The following CBLN2 variants were observed in gnomAD, a reference collection of about 807,000 sequenced individuals.
The protein encoded by CBLN2 is cerebellin-2.
A neutral mutation model predicts 15.0 loss-of-function variants in CBLN2; 7 were observed. That is an observed-to-expected ratio of 0.47 (90% CI 0.27 to 0.88). The LOEUF is 0.88. Among genes scored for constraint, CBLN2 ranks in the 40% least tolerant of loss-of-function variants. CBLN2 has a pLI of 0.14. For missense variants in CBLN2, 242 were observed against 304.5 expected, an observed-to-expected ratio of 0.79 and a Z score of 1.53; for synonymous variants, 149 against 135.2, an observed-to-expected ratio of 1.10 and a Z score of -0.71.
chr18:72,543,140 G>A lies in CBLN2; in HGVS notation c.-167+346C>T, dbSNP rs1416667900. 2 of 216,090 alleles carry A rather than the reference G, an allele frequency of 9.3e-6. No individual in the cohort carries two copies. The highest frequency in any genetic ancestry group is 1.8e-5 in the Non-Finnish European group (2 of 109,522). The allele number at this position is 216,090 out of a possible 1,614,324, so 13.4% of individuals were successfully genotyped here. On this transcript the variant is annotated intron_variant, in intron 2 of 4. Transcript: ENST00000269503. The surrounding 1 kb of genome is among the most constrained non-coding windows in gnomAD (Gnocchi z 6.8). ...GGGATTCTCTCTTTCTCAGCGGGGC[G>A]GCAGCCCCTGCAGGTTTCTGCGAAC...
intron 1 of CBLN2, among the ~76,000 whole-genome samples, chr18:72,587,871 G>A (rs188884435): frequency 1.3e-3 from 197 of 152,160 alleles, no homozygotes; most frequent in African/African-American, 4.5e-3. Flanking sequence ...CAATGAAATA[G>A]ATAATCTTTT....
At chr18:72,595,871 G>C (rs1021023716) in intron 1 of CBLN2, among the ~76,000 whole-genome samples, 1 of 151,890 alleles carries the variant, frequency 6.6e-6, no homozygotes, top group African/African-American at 2.4e-5. Flanking sequence ...AGTTGGCATG[G>C]AATGTCTTTT....
chr18:72,604,559 A>C (rs1012732951), intron 1 of CBLN2, among the ~76,000 whole-genome samples: 5 of 152,216 alleles, frequency 3.3e-5, no homozygotes, highest in Admixed American at 1.3e-4. Flanking sequence ...GTTGAAATTT[A>C]ATACCCAATG....
chr18:72,590,886 C>T (rs1011996730), intron 1 of CBLN2, among the ~76,000 whole-genome samples: 2 of 152,144 alleles, frequency 1.3e-5, no homozygotes, highest in African/African-American at 4.8e-5. Context: ...AAACAATATT[C>T]TAATAGATTA....
chr18:72,601,068 C>G (rs77032997), intron 1 of CBLN2, among the ~76,000 whole-genome samples: 4 of 152,280 alleles, frequency 2.6e-5, no homozygotes, highest in African/African-American at 9.6e-5. Flanking sequence ...TATCATTTAA[C>G]TATGCCTATA....
intron 1 of CBLN2, among the ~76,000 whole-genome samples, chr18:72,563,813 C>T (rs184041298): frequency 6.6e-5 from 10 of 152,300 alleles, no homozygotes; most frequent in African/African-American, 9.6e-5. Context: ...CAGGCTTGCA[C>T]TCTCTCAACA....
Position 72,538,751 on chromosome 18 carries a change from G to T in CBLN2, c.379C>A (p.His127Asn). The T allele has an allele frequency of 6.2e-7, 1 of 1,613,668 alleles. No homozygotes were observed. The highest frequency in any genetic ancestry group is 8.5e-7 in the Non-Finnish European group (1 of 1,179,960). The change falls in exon 4 of 5, where the codon CAC (histidine) becomes AAC (asparagine). Residue 127 changes from histidine (H) to asparagine (N), a missense_variant. Physicochemically the swap from His to Asn is moderately conservative, Grantham distance 68. Coordinates refer to ENST00000269503, the MANE Select transcript of CBLN2 (RefSeq NM_182511.4). ...AATATACTGGAAGCAAGATCAAAGTGGTTGCCAATATTTACTAATACCTGA... is the reference window on the plus strand; with the variant it reads ...AATATACTGGAAGCAAGATCAAAGTTGTTGCCAATATTTACTAATACCTGA... ...FDQVLVNIGN[H>N]FDLASSIFVA... is the part of the protein sequence containing the mutation.
At chr18:72,620,890 C>T (rs1423481498) in intron 1 of CBLN2, among the ~76,000 whole-genome samples, 11 of 152,018 alleles carry the variant, frequency 7.2e-5, no homozygotes, top group Non-Finnish European at 1.6e-4. Context: ...CGTGTTTTTT[C>T]ACATTATAAA....
At chr18:72,631,130 T>C (rs1214075314) in intron 1 of CBLN2, 2 of 152,164 alleles carry the variant, frequency 1.3e-5, no homozygotes, top group African/African-American at 4.8e-5. Flanking sequence ...TTCGCAAACT[T>C]TTTTAGTAAA....
At chr18:72,611,293 T>C (rs2069620688) in intron 1 of CBLN2, among the ~76,000 whole-genome samples, 1 of 152,192 alleles carries the variant, frequency 6.6e-6, no homozygotes, top group Non-Finnish European at 1.5e-5. Flanking sequence ...GTTAGTTTTC[T>C]TTTAAATTAT....
At chr18:72,572,225 A>G (rs184207474) in intron 1 of CBLN2, among the ~76,000 whole-genome samples, 3 of 152,068 alleles carry the variant, frequency 2.0e-5, no homozygotes, top group Admixed American at 1.3e-4. Context: ...CCATTTATTT[A>G]TAAGAACTAA....
chr18:72,568,437 C>T (rs939912208), intron 1 of CBLN2, among the ~76,000 whole-genome samples: 3 of 151,972 alleles, frequency 2.0e-5, no homozygotes, highest in African/African-American at 4.8e-5. Context: ...CAAATGACCA[C>T]GGCAGGCATA....
intron 1 of CBLN2, among the ~76,000 whole-genome samples, chr18:72,613,243 T>C (rs952458637): frequency 6.6e-6 from 1 of 152,192 alleles, no homozygotes; most frequent in Non-Finnish European, 1.5e-5. Context: ...CTTTAACTTA[T>C]GAATTTAAGG....
At chr18:72,585,310 C>T (rs189659850) in intron 1 of CBLN2, among the ~76,000 whole-genome samples, 58 of 152,292 alleles carry the variant, frequency 3.8e-4, no homozygotes, top group African/African-American at 1.3e-3. Flanking sequence ...GAGTTCCTGT[C>T]CTGCATCCAG....
chr18:72,573,124 A>G (rs899983827), intron 1 of CBLN2, among the ~76,000 whole-genome samples: 3 of 152,166 alleles, frequency 2.0e-5, no homozygotes, highest in Admixed American at 1.3e-4. Flanking sequence ...AACATTGTAA[A>G]ACTCAGGGCA....
At chr18:72,573,055 A>G (rs1232893918) in intron 1 of CBLN2, among the ~76,000 whole-genome samples, 1 of 152,162 alleles carries the variant, frequency 6.6e-6, no homozygotes, top group Non-Finnish European at 1.5e-5. Context: ...GATTTTCTAT[A>G]AAGCTGCCAC....
chr18:72,546,443 A>C (rs568366394), upstream of CBLN2, among the ~76,000 whole-genome samples: 283 of 147,632 alleles, frequency 1.9e-3, 1 homozygote, highest in African/African-American at 3.9e-3. Context: ...CTCTCTCTCA[A>C]AAAAAAAAAA....
At chr18:72,580,679 A>T (rs2069397060) in intron 1 of CBLN2, among the ~76,000 whole-genome samples, 1 of 152,206 alleles carries the variant, frequency 6.6e-6, no homozygotes, top group Non-Finnish European at 1.5e-5. Flanking sequence ...ATTATATGTC[A>T]TGCATTTCAA....
chr18:72,638,473 C>T (rs893326619), exon 1 of CBLN2: 22 of 396,158 alleles, frequency 5.6e-5, no homozygotes, highest in East Asian at 4.3e-4. Flanking sequence ...TCCTCACTGA[C>T]GGACGCAAAG....
Sources: gnomAD v4.1 joint callset for allele counts (sites outside exome capture counted in the v4.1 genomes callset) on GRCh38, gnomAD v4.1.1 for gene constraint, Gnocchi (gnomAD v3.1) non-coding constraint, MANE v1.5 for transcripts, NCBI Gene and HGNC (gene_info 2026-07-23, HGNC 2026-07-21) for gene names.